The following ATP8A2 variants were observed in gnomAD, a reference collection of about 807,000 sequenced individuals.
The protein encoded by ATP8A2 is phospholipid-transporting ATPase IB.
A neutral mutation model predicts 165.6 loss-of-function variants in ATP8A2; 100 were observed. That is an observed-to-expected ratio of 0.60 (90% CI 0.51 to 0.71). The LOEUF is 0.71. Ranked by LOEUF, ATP8A2 falls within the 30% of genes least tolerant of loss-of-function variation. The pLI is 0.00. For synonymous variants in ATP8A2, 543 were observed against 548.8 expected, an observed-to-expected ratio of 0.99 and a Z score of 0.15; for missense variants, 1,227 against 1,479.5, an observed-to-expected ratio of 0.83 and a Z score of 2.80.
chr13:25,933,226 G>A (rs921202290), intron 33 of ATP8A2, among the ~76,000 whole-genome samples: 5 of 152,128 alleles, frequency 3.3e-5, no homozygotes, highest in Non-Finnish European at 5.9e-5. Context: ...AACATGGCAG[G>A]GCCAGCTCAG....
intron 24 of ATP8A2, among the ~76,000 whole-genome samples, chr13:25,636,308 G>T (rs533737791): frequency 1.3e-5 from 2 of 152,204 alleles, no homozygotes; most frequent in Non-Finnish European, 2.9e-5. Flanking sequence ...AGAAATATGA[G>T]TTGACAGATT....
At chr13:25,840,550 G>A (rs1013514618) in intron 30 of ATP8A2, among the ~76,000 whole-genome samples, 1 of 152,060 alleles carries the variant, frequency 6.6e-6, no homozygotes, top group Non-Finnish European at 1.5e-5. Context: ...CTTTTCCTTC[G>A]AGGGTTCATA....
intron 2 of ATP8A2, among the ~76,000 whole-genome samples, chr13:25,525,412 A>G (rs56315261): frequency 0.29 from 44,127 of 151,938 alleles, 7,721 homozygotes; most frequent in Middle Eastern, 0.44. Context: ...TATACCTTCA[A>G]ATGTTTTCTA....
chr13:25,717,203 T>A (rs746025146), intron 25 of ATP8A2, among the ~76,000 whole-genome samples: 2 of 151,640 alleles, frequency 1.3e-5, no homozygotes, highest in African/African-American at 2.4e-5. Context: ...ATTACAGAGG[T>A]GAAGAGAAAT....
intron 24 of ATP8A2, among the ~76,000 whole-genome samples, chr13:25,625,644 C>T (rs966535736): frequency 8.5e-5 from 13 of 152,090 alleles, no homozygotes; most frequent in East Asian, 1.9e-4. Flanking sequence ...TTTCTCAAGA[C>T]GAAAGATTTT....
intron 25 of ATP8A2, among the ~76,000 whole-genome samples, chr13:25,748,662 G>A (rs1198255287): frequency 6.6e-6 from 1 of 152,128 alleles, no homozygotes; most frequent in Non-Finnish European, 1.5e-5. Flanking sequence ...CTGGGCATTA[G>A]CATGGGTTTA....
At chr13:25,676,423 T>C (rs2042373468) in intron 24 of ATP8A2, among the ~76,000 whole-genome samples, 1 of 152,042 alleles carries the variant, frequency 6.6e-6, no homozygotes, top group Admixed American at 6.6e-5. Context: ...GGCAGGGAAA[T>C]AACCAGGTCA....
chr13:25,671,011 C>T (rs75925603), intron 24 of ATP8A2, among the ~76,000 whole-genome samples: 5,351 of 152,224 alleles, frequency 0.035, 159 homozygotes, highest in East Asian at 0.13. Flanking sequence ...AGCAGTGTTG[C>T]GGGAAGTCAG....
chr13:26,019,974 A>G lies in ATP8A2; in HGVS notation c.3556A>G (p.Arg1186Gly), dbSNP rs930961165. The G allele has an allele frequency of 2.5e-6, 4 of 1,611,146 alleles. No homozygotes were observed. The African/African-American group carries it at 4.0e-5, about 16-fold the overall frequency. The change falls in exon 37 of 37, where the codon AGG becomes GGG. Residue 1186 changes from arginine (R) to glycine (G), a missense_variant. Coordinates refer to ENST00000381655, the MANE Select transcript of ATP8A2 (RefSeq NM_016529.6). ...TTATGACACCACCAAAAAGAAATCCAGGAAGAAATAAGACATGAATTTTCC... is the reference window on the plus strand; with the variant it reads ...TTATGACACCACCAAAAAGAAATCCGGGAAGAAATAAGACATGAATTTTCC... ...RAYDTTKKKS[R>G]KK
At chr13:25,794,542 G>C (rs1304161340) in intron 27 of ATP8A2, among the ~76,000 whole-genome samples, 1 of 152,062 alleles carries the variant, frequency 6.6e-6, no homozygotes, top group Non-Finnish European at 1.5e-5. Context: ...GGAGGAAAAG[G>C]GTGACTACAA....
Position 25,794,055 on chromosome 13 carries a change from T to A in ATP8A2, c.2679+19096T>A, listed in dbSNP as rs376084232. Among the ~76,000 whole-genome samples the A allele has an allele frequency of 7.9e-4, 121 of 152,280 alleles. 1 individual carries two copies. Among genetic ancestry groups the A allele is most frequent in the South Asian group, 3.1e-3 (15 of 4,818 alleles). On this transcript the variant is annotated intron_variant, in intron 27 of 36. Coordinates refer to ENST00000381655, the MANE Select transcript of ATP8A2 (RefSeq NM_016529.6). ...CTACCTCTTTCAAACTTCTGTATAT[T>A]TTTCGTACTTGGTTGGTTTGTTTTT...
chr13:25,408,106 A>AT (rs2033860602), intron 1 of ATP8A2, among the ~76,000 whole-genome samples: 1 of 151,756 alleles, frequency 6.6e-6, no homozygotes, highest in African/African-American at 2.4e-5. Context: ...ACATTAAAAA[A>AT]AAATGTGGCT....
At chr13:25,628,738 C>T (rs1264294011) in intron 24 of ATP8A2, among the ~76,000 whole-genome samples, 1 of 152,184 alleles carries the variant, frequency 6.6e-6, no homozygotes, top group Non-Finnish European at 1.5e-5. Flanking sequence ...TGACTGTGTA[C>T]ACATTGTCAC....
intron 27 of ATP8A2, among the ~76,000 whole-genome samples, chr13:25,788,790 G>T (rs553479787): frequency 3.3e-4 from 50 of 152,276 alleles, no homozygotes; most frequent in Non-Finnish European, 5.6e-4. Flanking sequence ...TAATTGGTGC[G>T]CTAAGAATCA....
chr13:25,732,126 A>T (rs184564558), intron 25 of ATP8A2, among the ~76,000 whole-genome samples: 52 of 152,226 alleles, frequency 3.4e-4, no homozygotes, highest in African/African-American at 1.2e-3. Context: ...TAGCCCAGAG[A>T]GCTGAGCTTT....
rs138051335 is a variant in ATP8A2, at chr13:25,451,518, C to T, written c.77-17459C>T. ...AATGGCTAGTCTATACCTCCTTACA[C>T]CCTCATGGTCAGAAACAGAAATCCA... On this transcript the variant is annotated intron_variant, in intron 1 of 36. Coordinates refer to ENST00000381655, the MANE Select transcript of ATP8A2 (RefSeq NM_016529.6). Among the ~76,000 whole-genome samples the T allele has an allele frequency of 1.9e-3, 290 of 152,224 alleles. 7 individuals are homozygous for T. The highest frequency in any genetic ancestry group is 6.6e-3 in the African/African-American group (272 of 41,488).
At chr13:25,634,260 G>A (rs188966799) in intron 24 of ATP8A2, among the ~76,000 whole-genome samples, 6 of 152,222 alleles carry the variant, frequency 3.9e-5, no homozygotes, top group African/African-American at 1.2e-4. Flanking sequence ...TCGAGGGACC[G>A]AAGCTACAAT....
intron 1 of ATP8A2, among the ~76,000 whole-genome samples, chr13:25,463,181 A>G (rs2035552382): frequency 6.8e-6 from 1 of 146,538 alleles, no homozygotes; most frequent in Non-Finnish European, 1.5e-5. Context: ...AATAACCTAG[A>G]CATGTCTCAA....
chr13:25,907,653 C>T (rs953126852), intron 33 of ATP8A2, among the ~76,000 whole-genome samples: 20 of 152,310 alleles, frequency 1.3e-4, no homozygotes, highest in African/African-American at 4.6e-4. Flanking sequence ...GACAAACAAA[C>T]ACTCAAAAGC....
Sources: allele counts gnomAD v4.1 joint callset (sites outside exome capture counted in the v4.1 genomes callset), GRCh38; gene constraint gnomAD v4.1.1; transcripts MANE v1.5; gene names NCBI Gene and HGNC (gene_info 2026-07-23, HGNC 2026-07-21).